FMN1: variants seen among roughly 807,000 people sequenced by gnomAD.
FMN1 encodes the protein formin-1.
Under a neutral mutation model 132.4 loss-of-function variants are expected in FMN1, and 110 were observed. That is an observed-to-expected ratio of 0.83 (90% confidence interval 0.71 to 0.97). FMN1 has a LOEUF of 0.97. Among genes scored for constraint, FMN1 ranks in the 50% least tolerant of loss-of-function variants. The pLI is 0.00. For synonymous variants in FMN1, 722 were observed against 651.7 expected (o/e 1.11, Z -1.64); for missense variants, 1,792 against 1,705.3 (o/e 1.05, Z -0.90).
intron 5 of FMN1, among the ~76,000 whole-genome samples, chr15:33,084,257 T>C (rs345795): frequency 0.53 from 80,780 of 152,042 alleles, 21,878 homozygotes; most frequent in African/African-American, 0.57. Context: ...CAAGAACCCT[T>C]TCTTGGGGTC....
At chr15:33,082,433 C>G (rs1418811043) in intron 5 of FMN1, among the ~76,000 whole-genome samples, 1 of 152,140 alleles carries the variant, frequency 6.6e-6, no homozygotes, top group Admixed American at 6.5e-5. Context: ...CTTTTCATAT[C>G]TTTGTTTTCA....
intron 19 of FMN1, among the ~76,000 whole-genome samples, chr15:32,795,564 C>T (rs1338923078): frequency 6.6e-5 from 10 of 150,452 alleles, no homozygotes; most frequent in Non-Finnish European, 1.2e-4. Context: ...AGTGACTGGC[C>T]CAAGATCACA....
chr15:32,955,810 CGT>C (rs71682708), intron 9 of FMN1, among the ~76,000 whole-genome samples: 31,826 of 149,976 alleles, frequency 0.21, 4,950 homozygotes, highest in African/African-American at 0.44. Context: ...TGTGCGTGTG[CGT>C]GTGTGTGTGT....
chr15:32,986,616 G>T (rs545356617), intron 7 of FMN1, among the ~76,000 whole-genome samples: 3 of 151,984 alleles, frequency 2.0e-5, no homozygotes, highest in Admixed American at 2.0e-4. Context: ...AATAATAAAC[G>T]GAATTTGGCA....
chr15:33,148,398 T>C (rs1329634978), intron 4 of FMN1, among the ~76,000 whole-genome samples: 1 of 152,114 alleles, frequency 6.6e-6, no homozygotes, highest in African/African-American at 2.4e-5. Context: ...TCATCCAGAC[T>C]CCCATTGGCT....
chr15:32,853,900 C>T (rs1392765518), intron 17 of FMN1, among the ~76,000 whole-genome samples: 3 of 152,174 alleles, frequency 2.0e-5, no homozygotes, highest in East Asian at 1.9e-4. Context: ...GAAGGCAGGG[C>T]GACAATGAGA....
chr15:32,882,410 GT>G (rs1452641772), intron 16 of FMN1, among the ~76,000 whole-genome samples: 4 of 152,124 alleles, frequency 2.6e-5, no homozygotes, highest in Admixed American at 6.5e-5. Context: ...AAATTTGCTG[GT>G]ATTAAGTGCT....
At chr15:33,074,045 G>A (rs1372951967) in intron 5 of FMN1, among the ~76,000 whole-genome samples, 1 of 152,014 alleles carries the variant, frequency 6.6e-6, no homozygotes, top group African/African-American at 2.4e-5. Context: ...TTGACCTTTT[G>A]TTTTAAAGAT....
chr15:33,090,595 A>T (rs1450793760), intron 4 of FMN1, among the ~76,000 whole-genome samples: 2 of 152,052 alleles, frequency 1.3e-5, no homozygotes, highest in African/African-American at 4.8e-5. Flanking sequence ...TGTCTAGAAG[A>T]GTATACCCAG....
At chr15:33,066,715 A>T in intron 5 of FMN1, 1 of 1,612,852 alleles carries the variant, frequency 6.2e-7, no homozygotes, top group Non-Finnish European at 8.5e-7. Context: ...TGACCTCACC[A>T]CCCTGGGTTT....
chr15:33,157,051 AG>A (rs1047208762), intron 3 of FMN1, among the ~76,000 whole-genome samples: 19 of 151,816 alleles, frequency 1.3e-4, no homozygotes, highest in African/African-American at 4.6e-4. Context: ...GCAGATCACC[AG>A]GTCAGGAGAT....
chr15:33,043,414 T>C (rs982343702), intron 6 of FMN1, among the ~76,000 whole-genome samples: 1 of 152,224 alleles, frequency 6.6e-6, no homozygotes, highest in African/African-American at 2.4e-5. Context: ...AACCCAGTTG[T>C]TCCTGTGTCT....
At chr15:32,905,786 G>A (rs73370857) in intron 12 of FMN1, among the ~76,000 whole-genome samples, 5,020 of 152,286 alleles carry the variant, frequency 0.033, 168 homozygotes, top group African/African-American at 0.087. Context: ...CTCACTTGGA[G>A]TTAATGGCAA....
chr15:32,954,680 T>C (rs1462072431), intron 9 of FMN1, among the ~76,000 whole-genome samples: 1 of 152,216 alleles, frequency 6.6e-6, no homozygotes, highest in Non-Finnish European at 1.5e-5. Flanking sequence ...AACTTGCAGT[T>C]AAATGCAGAC....
chr15:32,823,753 A>G (rs972013536), intron 17 of FMN1, among the ~76,000 whole-genome samples: 1 of 152,220 alleles, frequency 6.6e-6, no homozygotes, highest in African/African-American at 2.4e-5. Context: ...TAAAGGCACT[A>G]TGTGGAAACA....
At chr15:32,999,522 T>A (rs2033970047) in intron 7 of FMN1, among the ~76,000 whole-genome samples, 1 of 152,264 alleles carries the variant, frequency 6.6e-6, no homozygotes, top group Non-Finnish European at 1.5e-5. Context: ...TTGGCATTGA[T>A]CCCTGGATCA....
At chr15:33,047,424 T>C (rs2036739710) in intron 6 of FMN1, among the ~76,000 whole-genome samples, 1 of 152,152 alleles carries the variant, frequency 6.6e-6, no homozygotes, top group African/African-American at 2.4e-5. Flanking sequence ...TAATAAGATA[T>C]TTAAAAAAAC....
At position 32,772,696 on chromosome 15, in the gene FMN1, G is replaced by A. The variant is rs995061112; in HGVS notation, c.*1614C>T. On this transcript the variant is annotated 3_prime_UTR_variant, in exon 21 of 21. Coordinates refer to ENST00000616417, the MANE Select transcript of FMN1 (RefSeq NM_001277313.2). ...CCAGTAGAAAAGGCGGTTAGCACCT[G>A]CATGAATATGGCTTCTGTGACTTGA... is the stretch of plus-strand genomic sequence containing the variant. 1.3e-5 allele frequency: 2 copies of A among 152,208 alleles called. No homozygotes were observed. The highest frequency in any genetic ancestry group is 2.1e-4 in the South Asian group (1 of 4,832). The allele number at this position is 152,208 out of a possible 1,614,324, so 9.4% of individuals were successfully genotyped here.
At chr15:33,069,862 A>G (rs1231423076) in intron 5 of FMN1, among the ~76,000 whole-genome samples, 2 of 152,170 alleles carry the variant, frequency 1.3e-5, no homozygotes, top group African/African-American at 2.4e-5. Flanking sequence ...GAAAAATTCA[A>G]TGGTGTCTTT....
Sources: allele counts gnomAD v4.1 joint callset (sites outside exome capture counted in the v4.1 genomes callset), GRCh38; gene constraint gnomAD v4.1.1; transcripts MANE v1.5; gene names NCBI Gene and HGNC (gene_info 2026-07-23, HGNC 2026-07-21).